ZMYND8: variants seen among roughly 807,000 people sequenced by gnomAD.
ZMYND8 encodes zinc finger MYND-type containing 8, also known as MYND-type zinc finger-containing chromatin reader ZMYND8.
In ZMYND8, 37 loss-of-function variants were observed where a neutral mutation model predicts 140.8. That is an observed-to-expected ratio of 0.26 (90% CI 0.20 to 0.35). The LOEUF (loss-of-function observed/expected upper bound fraction) is 0.35, where lower values mean the gene tolerates loss of function less well. Ranked by LOEUF, ZMYND8 falls within the 10% of genes least tolerant of loss-of-function variation. ZMYND8 has a pLI of 1.00. For synonymous variants in ZMYND8, 592 were observed against 597.1 expected, an observed-to-expected ratio of 0.99 and a Z score of 0.12; for missense variants, 1,068 against 1,570.0, an observed-to-expected ratio of 0.68 and a Z score of 5.40.
intron 12 of ZMYND8, among the ~76,000 whole-genome samples, chr20:47,252,765 G>A (rs894278998): frequency 6.6e-6 from 1 of 151,618 alleles, no homozygotes; most frequent in Admixed American, 6.6e-5. Context: ...CTAAAAATAT[G>A]AAAATTAGCC....
chr20:47,234,571 G>A (rs73912745), intron 16 of ZMYND8, among the ~76,000 whole-genome samples: 25,260 of 152,172 alleles, frequency 0.17, 4,460 homozygotes, highest in African/African-American at 0.44. Flanking sequence ...GGAGAGCCCC[G>A]TGGAGCCATG....
intron 3 of ZMYND8, among the ~76,000 whole-genome samples, chr20:47,301,854 T>G (rs1040395683): frequency 6.6e-6 from 1 of 152,158 alleles, no homozygotes; most frequent in Non-Finnish European, 1.5e-5. Flanking sequence ...TCCCCATGTG[T>G]CATGGGAGGG....
At chr20:47,293,034 A>C (rs2077366939) in intron 5 of ZMYND8, among the ~76,000 whole-genome samples, 2 of 150,200 alleles carry the variant, frequency 1.3e-5, no homozygotes, top group African/African-American at 4.9e-5. Context: ...CAGCCTGGGC[A>C]ACAAAGCAAC....
chr20:47,314,719 A>C (rs2079238300), intron 2 of ZMYND8, among the ~76,000 whole-genome samples: 1 of 152,202 alleles, frequency 6.6e-6, no homozygotes, highest in African/African-American at 2.4e-5. Flanking sequence ...GGCGAGCCAG[A>C]GCCAATGGCC....
intron 3 of ZMYND8, among the ~76,000 whole-genome samples, chr20:47,304,363 A>G (rs2078315151): frequency 6.6e-6 from 1 of 152,272 alleles, no homozygotes. Flanking sequence ...TTTGCAGGCC[A>G]TAAGGCCTCT....
At chr20:47,220,454 G>A (rs1049147965) in intron 20 of ZMYND8, 130 bp from the exon 21 acceptor site, 37 of 776,546 alleles carry the variant, frequency 4.8e-5, no homozygotes, top group Middle Eastern at 3.7e-4. Context: ...TGCCTGGCAC[G>A]GTCAGGTGGG....
At chr20:47,337,396 G>A (rs952579021) in intron 2 of ZMYND8, among the ~76,000 whole-genome samples, 3 of 152,136 alleles carry the variant, frequency 2.0e-5, no homozygotes, top group African/African-American at 7.2e-5. Flanking sequence ...GCCGGGAGTG[G>A]TGGCTCACGC....
At position 47,249,304 on chromosome 20, in the gene ZMYND8, C is replaced by T. The variant is rs1239886333; in HGVS notation, c.1757G>A (p.Ser586Asn). 14 of 1,613,374 alleles carry T rather than the reference C, an allele frequency of 8.7e-6. No homozygotes were observed. The highest frequency in any genetic ancestry group is 1.2e-5 in the Non-Finnish European group (14 of 1,179,840). Residue 586 changes from serine (S) to asparagine (N), a missense_variant, in exon 13 of 23, where the codon AGT (serine) becomes AAT (asparagine). Physicochemically the swap from Ser to Asn is conservative, Grantham distance 46. Coordinates refer to ENST00000471951, the MANE Select transcript of ZMYND8 (RefSeq NM_001281775.3). ...AGGTATACCTAATTGTGCTTTGCAA[C>T]TCTCTATGGTCTTGTCAAGATTCAG... ...FQLNLDKTIESCKAQLGINEI... is the reference protein window; with the variant it reads ...FQLNLDKTIENCKAQLGINEI...
intron 13 of ZMYND8, among the ~76,000 whole-genome samples, chr20:47,246,808 A>G (rs1482302795): frequency 1.3e-5 from 2 of 152,284 alleles, no homozygotes; most frequent in South Asian, 2.1e-4. Context: ...TGCAACGTTG[A>G]TAACTAATTG....
At chr20:47,279,486 C>T (rs754090007) in intron 10 of ZMYND8, among the ~76,000 whole-genome samples, 3 of 147,466 alleles carry the variant, frequency 2.0e-5, no homozygotes, top group Non-Finnish European at 3.0e-5. Context: ...CAAGACCCCC[C>T]TCTTAAATAA....
chr20:47,233,481 T>G (rs2038817946), intron 16 of ZMYND8, among the ~76,000 whole-genome samples: 1 of 152,152 alleles, frequency 6.6e-6, no homozygotes, highest in Non-Finnish European at 1.5e-5. Context: ...AGTGCTGCGG[T>G]TACAGCCACT....
At chr20:47,262,147 A>C in intron 12 of ZMYND8, 141 bp downstream of exon 12, 1 of 1,169,858 alleles carries the variant, frequency 8.5e-7, no homozygotes, top group Non-Finnish European at 1.2e-6. Context: ...ATCTTTTCTC[A>C]CCTTCATCCT....
intron 11 of ZMYND8, among the ~76,000 whole-genome samples, chr20:47,274,305 A>G (rs907668320): frequency 2.0e-5 from 3 of 152,228 alleles, no homozygotes; most frequent in Admixed American, 1.3e-4. Flanking sequence ...ATTTAAACAC[A>G]CGAGCCTATA....
intron 12 of ZMYND8, among the ~76,000 whole-genome samples, chr20:47,256,524 G>A (rs1255023203): frequency 1.3e-5 from 2 of 152,182 alleles, no homozygotes; most frequent in Non-Finnish European, 1.5e-5. Context: ...GGAGGCTGAG[G>A]CAGGAGAATG....
At chr20:47,300,401 T>A (rs1322291150) in intron 3 of ZMYND8, among the ~76,000 whole-genome samples, 1 of 152,222 alleles carries the variant, frequency 6.6e-6, no homozygotes, top group Non-Finnish European at 1.5e-5. Context: ...TAAAACATGA[T>A]GGTTTCCTCC....
intron 3 of ZMYND8, among the ~76,000 whole-genome samples, chr20:47,302,961 T>C (rs986210641): frequency 1.3e-5 from 2 of 152,136 alleles, no homozygotes; most frequent in African/African-American, 2.4e-5. Flanking sequence ...GTCCTGTGCA[T>C]TGCAGGGCAG....
intron 11 of ZMYND8, 111 bp downstream of exon 11, chr20:47,276,203 C>G (rs1056951253): frequency 2.2e-6 from 3 of 1,372,050 alleles, no homozygotes; most frequent in African/African-American, 2.9e-5. Context: ...TGGCCCCCTA[C>G]AGTTCCCCAC....
intron 15 of ZMYND8, chr20:47,237,487 G>A (rs1010970890): frequency 3.3e-5 from 5 of 151,940 alleles, no homozygotes; most frequent in African/African-American, 9.7e-5. Flanking sequence ...AACTCCCCTG[G>A]GGAAGTCTCC....
chr20:47,286,688 T>A lies in ZMYND8; in HGVS notation c.804+541A>T, dbSNP rs192807298. 6.6e-5 allele frequency among the ~76,000 whole-genome samples: 10 copies of A among 152,296 alleles called. No homozygotes were observed. In the East Asian group the frequency reaches 1.2e-3, roughly 18 times the overall value. On this transcript the variant is annotated intron_variant, in intron 8 of 22. Transcript: ENST00000471951. ...GATCTAATAAAGAAAAGCTCCCTCA[T>A]ACCATTTTGGCTGCCAGCCTGTCCC...
Sources: gnomAD v4.1 joint callset for allele counts (sites outside exome capture counted in the v4.1 genomes callset) on GRCh38, gnomAD v4.1.1 for gene constraint, MANE v1.5 for transcripts, NCBI Gene and HGNC (gene_info 2026-07-23, HGNC 2026-07-21) for gene names.